Variants in FHOD3 observed in about 807,000 individuals in gnomAD.
The protein encoded by FHOD3 is formin homology 2 domain containing 3.
FHOD3 carries 90 observed loss-of-function variants against 173.0 expected under a neutral mutation model. The ratio of observed to expected loss-of-function variants is 0.52; its 90% CI spans 0.44 to 0.62. FHOD3 has a LOEUF of 0.62. Ranked by LOEUF, FHOD3 falls within the 20% of genes least tolerant of loss-of-function variation. The pLI is 0.00. For missense variants in FHOD3, 1,945 were observed against 2,034.7 expected (o/e 0.96, Z 0.85); for synonymous variants, 828 against 823.0 (o/e 1.01, Z -0.10).
At chr18:36,748,363 C>T (rs973817695) in intron 24 of FHOD3, among the ~76,000 whole-genome samples, 28 of 138,072 alleles carry the variant, frequency 2.0e-4, no homozygotes, top group East Asian at 6.0e-4. Context: ...TACACGCACG[C>T]GCACACACAC....
chr18:36,298,185 G>T lies in FHOD3; in HGVS notation c.165+185G>T, dbSNP rs576732100. Among the ~76,000 whole-genome samples, 7 of 152,212 alleles carry T rather than the reference G, an allele frequency of 4.6e-5. No individual in the cohort carries two copies. The South Asian group carries it at 6.2e-4, about 14-fold the overall frequency. On this transcript the variant is annotated intron_variant, in intron 1 of 28. Transcript: ENST00000590592. ...GGGCTCGAGGCACCCGCTGGTTGGC[G>T]CAGGACCCTCCGGGGCGGGCGGGAA...
chr18:36,441,160 A>C (rs2051123976), intron 3 of FHOD3, among the ~76,000 whole-genome samples: 1 of 152,060 alleles, frequency 6.6e-6, no homozygotes. Context: ...TTGCCCAGCA[A>C]GCAGGAGCTC....
At chr18:36,349,397 A>G (rs1439538839) in intron 1 of FHOD3, among the ~76,000 whole-genome samples, 2 of 152,182 alleles carry the variant, frequency 1.3e-5, no homozygotes, top group East Asian at 1.9e-4. Context: ...GCAAAATCAC[A>G]TTGGGAGGAT....
At chr18:36,461,368 A>T (rs1013945275) in intron 3 of FHOD3, among the ~76,000 whole-genome samples, 1 of 151,920 alleles carries the variant, frequency 6.6e-6, no homozygotes, top group African/African-American at 2.4e-5. Flanking sequence ...ACCCTTTTCT[A>T]TTAGATTGTT....
At chr18:36,467,026 G>A (rs906666797) in intron 3 of FHOD3, among the ~76,000 whole-genome samples, 1 of 152,156 alleles carries the variant, frequency 6.6e-6, no homozygotes, top group Non-Finnish European at 1.5e-5. Context: ...CCTAAGAGGG[G>A]ATCCCTGCCC....
intron 2 of FHOD3, among the ~76,000 whole-genome samples, chr18:36,366,047 T>A (rs993684657): frequency 1.3e-5 from 2 of 152,142 alleles, no homozygotes; most frequent in African/African-American, 4.8e-5. Context: ...CACCTTCCAG[T>A]TAAAGTAGAT....
At chr18:36,426,436 C>A (rs2050247797) in intron 3 of FHOD3, among the ~76,000 whole-genome samples, 1 of 152,106 alleles carries the variant, frequency 6.6e-6, no homozygotes, top group African/African-American at 2.4e-5. Context: ...TGTCCCTTGC[C>A]TTCCAGGAAG....
intron 17 of FHOD3, among the ~76,000 whole-genome samples, chr18:36,698,216 A>T (rs891560343): frequency 6.6e-6 from 1 of 152,214 alleles, no homozygotes; most frequent in South Asian, 2.1e-4. Flanking sequence ...AAAATCTTTC[A>T]GCAACTCTAC....
At chr18:36,752,182 T>C (rs1383913585) in intron 24 of FHOD3, among the ~76,000 whole-genome samples, 1 of 152,186 alleles carries the variant, frequency 6.6e-6, no homozygotes, top group East Asian at 1.9e-4. Context: ...TTCAATTGTT[T>C]CCACCTGGTC....
At position 36,763,330 on chromosome 18, in the gene FHOD3, G is replaced by A. The variant is rs937455501; in HGVS notation, c.4624+2548G>A. On this transcript the variant is annotated intron_variant, in intron 27 of 28. Transcript: ENST00000590592. ...TATATACAATATGCGTATTATACAC[G>A]TTATATACAATATGCGTATTATACA... Among the ~76,000 whole-genome samples, 99 of 128,954 alleles carry A rather than the reference G, an allele frequency of 7.7e-4. 1 individual carries two copies. The highest frequency in any genetic ancestry group is 1.7e-4 in the Admixed American group (2 of 12,114). The allele number at this position is 128,954 out of a possible 152,430, so 84.6% of individuals were successfully genotyped here.
intron 3 of FHOD3, 42 bp from the exon 4 acceptor site, chr18:36,501,888 TAG>T (rs753212101): frequency 7.5e-7 from 1 of 1,341,262 alleles, no homozygotes; most frequent in South Asian, 1.3e-5. Flanking sequence ...TCACTGTCAA[TAG>T]AGTCAGTTTA....
chr18:36,419,360 C>T (rs748077105), intron 3 of FHOD3, among the ~76,000 whole-genome samples: 1 of 151,888 alleles, frequency 6.6e-6, no homozygotes, highest in Non-Finnish European at 1.5e-5. Context: ...GCCAGGGCAG[C>T]TGTAGTGACC....
chr18:36,529,267 A>G (rs547538918), intron 5 of FHOD3, among the ~76,000 whole-genome samples: 2 of 152,282 alleles, frequency 1.3e-5, no homozygotes, highest in East Asian at 3.9e-4. Flanking sequence ...TCAGACTGAT[A>G]GGGTTTGATG....
chr18:36,705,877 G>T (rs1185502643), intron 17 of FHOD3, among the ~76,000 whole-genome samples: 9 of 151,992 alleles, frequency 5.9e-5, no homozygotes. Flanking sequence ...GACTTGGTGG[G>T]TATAAATGAG....
At chr18:36,699,149 C>T (rs765024219) in intron 17 of FHOD3, among the ~76,000 whole-genome samples, 7 of 152,156 alleles carry the variant, frequency 4.6e-5, no homozygotes, top group Non-Finnish European at 8.8e-5. Context: ...ACTGAAGAAA[C>T]GTGGGAGAGC....
chr18:36,380,260 A>G (rs1256834897), intron 3 of FHOD3, among the ~76,000 whole-genome samples: 1 of 152,224 alleles, frequency 6.6e-6, no homozygotes, highest in Admixed American at 6.5e-5. Flanking sequence ...GATAATTGAA[A>G]AAAAGGAAAC....
chr18:36,610,154 G>T (rs892165348), intron 8 of FHOD3, among the ~76,000 whole-genome samples: 1 of 152,188 alleles, frequency 6.6e-6, no homozygotes, highest in Non-Finnish European at 1.5e-5. Context: ...ACGCTGCTGT[G>T]TAGGAAGTTT....
chr18:36,439,133 T>C (rs2050982022), intron 3 of FHOD3, among the ~76,000 whole-genome samples: 1 of 152,238 alleles, frequency 6.6e-6, no homozygotes, highest in Admixed American at 6.5e-5. Flanking sequence ...TGAAAGAAGT[T>C]ATGAAAAAGG....
rs146330201 is a variant in FHOD3, at chr18:36,594,941, C to G, written c.718+43C>G. ...CCTTATGTCATGAAGGTGAAGGTGTCTAATGTAGGGAGGCTTCTGTGTTGT... is the reference window on the plus strand; with the variant it reads ...CCTTATGTCATGAAGGTGAAGGTGTGTAATGTAGGGAGGCTTCTGTGTTGT... On this transcript the variant is annotated intron_variant, in intron 7 of 28. Transcript: ENST00000590592. 1.7e-4 allele frequency: 228 copies of G among 1,305,634 alleles called. 1 individual carries two copies. The East Asian group carries it at 5.0e-3, about 28-fold the overall frequency. 80.9% of individuals were successfully genotyped at this position (1,305,634 alleles called of 1,614,324 possible).
Sources: allele counts gnomAD v4.1 joint callset (sites outside exome capture counted in the v4.1 genomes callset), GRCh38; gene constraint gnomAD v4.1.1; transcripts MANE v1.5; gene names NCBI Gene and HGNC (gene_info 2026-07-23, HGNC 2026-07-21).